Variants in EPM2A observed in about 807,000 individuals in gnomAD.
The protein encoded by EPM2A is EPM2A glucan phosphatase, laforin.
A neutral mutation model predicts 26.5 loss-of-function variants in EPM2A; 21 were observed. That is an observed-to-expected ratio of 0.79 (90% CI 0.56 to 1.14). The LOEUF (loss-of-function observed/expected upper bound fraction) is 1.14. Ranked by LOEUF, EPM2A falls within the 50% of genes most tolerant of loss-of-function variation. EPM2A has a pLI of 0.00. For synonymous variants in EPM2A, 217 were observed against 177.6 expected, an observed-to-expected ratio of 1.22 and a Z score of -1.76; for missense variants, 458 against 440.8, an observed-to-expected ratio of 1.04 and a Z score of -0.35.
chr6:145,397,151 C>T (rs1778416301), intron 4 of EPM2A, among the ~76,000 whole-genome samples: 1 of 152,146 alleles, frequency 6.6e-6, no homozygotes, highest in African/African-American at 2.4e-5. Context: ...TTGTTACTGG[C>T]TCGGTTTGGT....
chr6:145,390,092 C>T (rs931834880), intron 4 of EPM2A, among the ~76,000 whole-genome samples: 12 of 152,100 alleles, frequency 7.9e-5, no homozygotes, highest in Admixed American at 1.3e-4. Context: ...AACTGGCTCA[C>T]GCTATTGTGG....
At chr6:145,410,066 G>GATA (rs1562324253) in intron 4 of EPM2A, among the ~76,000 whole-genome samples, 2 of 152,142 alleles carry the variant, frequency 1.3e-5, no homozygotes, top group Non-Finnish European at 2.9e-5. Context: ...GGGTATAGAT[G>GATA]TCGGGAGCCT....
At chr6:145,727,248 A>C (rs780239291) in intron 1 of EPM2A, among the ~76,000 whole-genome samples, 1 of 152,170 alleles carries the variant, frequency 6.6e-6, no homozygotes, top group African/African-American at 2.4e-5. Flanking sequence ...CAACATGGTC[A>C]CGAATTTAAA....
chr6:145,682,552 A>G (rs1257756238), intron 2 of EPM2A: 2 of 152,150 alleles, frequency 1.3e-5, no homozygotes, highest in Non-Finnish European at 2.9e-5. Context: ...TACAGCAAAT[A>G]TTTAACTGTA....
At chr6:145,422,076 T>TATATAG (rs368615331) in intron 4 of EPM2A, among the ~76,000 whole-genome samples, 87 of 138,658 alleles carry the variant, frequency 6.3e-4, no homozygotes, top group African/African-American at 1.4e-3. Context: ...TATATATATA[T>TATATAG]AGAGAGAGAG....
chr6:145,459,146 T>C (rs1779297595), intron 4 of EPM2A, among the ~76,000 whole-genome samples: 1 of 152,146 alleles, frequency 6.6e-6, no homozygotes, highest in Non-Finnish European at 1.5e-5. Flanking sequence ...CAACTCTGAA[T>C]ACAGTATGGA....
chr6:145,537,744 G>A (rs891982232), intron 2 of EPM2A, among the ~76,000 whole-genome samples: 5 of 151,758 alleles, frequency 3.3e-5, no homozygotes, highest in African/African-American at 7.3e-5. Flanking sequence ...TAATGCTCTC[G>A]CTCCCCTCAC....
At chr6:145,390,240 T>G (rs1196791133) in intron 4 of EPM2A, among the ~76,000 whole-genome samples, 2 of 152,108 alleles carry the variant, frequency 1.3e-5, no homozygotes, top group Non-Finnish European at 2.9e-5. Flanking sequence ...TTCAACTGAC[T>G]GGATGAGGCC....
At chr6:145,592,556 T>A (rs1368265474) in intron 2 of EPM2A, among the ~76,000 whole-genome samples, 1 of 152,128 alleles carries the variant, frequency 6.6e-6, no homozygotes, top group African/African-American at 2.4e-5. Flanking sequence ...AAATGGTATT[T>A]CTAGTTCTAC....
intron 2 of EPM2A, among the ~76,000 whole-genome samples, chr6:145,647,563 C>T (rs919108117): frequency 7.9e-5 from 12 of 152,136 alleles, no homozygotes; most frequent in African/African-American, 1.7e-4. Context: ...AGCATTTCAT[C>T]GTCTGTATTG....
intron 2 of EPM2A, 41 bp from the exon 3 acceptor site, chr6:145,635,527 C>G: frequency 6.2e-7 from 1 of 1,608,274 alleles, no homozygotes; most frequent in Non-Finnish European, 8.5e-7. Context: ...TAGTGTTGTT[C>G]TGATTTGAGG....
intron 4 of EPM2A, among the ~76,000 whole-genome samples, chr6:145,386,773 A>G (rs563461441): frequency 6.6e-6 from 1 of 152,298 alleles, no homozygotes; most frequent in Admixed American, 6.5e-5. Flanking sequence ...AAAATTAGAA[A>G]CCAGGGATAT....
chr6:145,417,361 T>G (rs1357041723), intron 4 of EPM2A, among the ~76,000 whole-genome samples: 1 of 152,210 alleles, frequency 6.6e-6, no homozygotes. Context: ...GCCCGTCTCA[T>G]AGATGCCTTG....
intron 1 of EPM2A, chr6:145,722,735 A>G: frequency 2.2e-6 from 1 of 451,988 alleles, no homozygotes; most frequent in Non-Finnish European, 4.4e-6. Context: ...CAGTGGTAAT[A>G]AAGTTAAAAT....
chr6:145,612,581 C>T (rs1775413851), intron 2 of EPM2A, among the ~76,000 whole-genome samples: 1 of 151,870 alleles, frequency 6.6e-6, no homozygotes, highest in Admixed American at 6.6e-5. Context: ...AGAGATACTG[C>T]AGATTTGGTG....
intron 2 of EPM2A, among the ~76,000 whole-genome samples, chr6:145,577,095 A>T (rs970734621): frequency 6.6e-6 from 1 of 151,862 alleles, no homozygotes; most frequent in Non-Finnish European, 1.5e-5. Flanking sequence ...ACTTACGCAC[A>T]AATAAAGATA....
intron 2 of EPM2A, among the ~76,000 whole-genome samples, chr6:145,581,953 A>C (rs1398404021): frequency 6.6e-6 from 1 of 152,038 alleles, no homozygotes; most frequent in Non-Finnish European, 1.5e-5. Context: ...TTGGGCATAG[A>C]TATGTTCATA....
At chr6:145,580,821 T>C (rs980532685) in intron 2 of EPM2A, among the ~76,000 whole-genome samples, 1 of 152,152 alleles carries the variant, frequency 6.6e-6, no homozygotes, top group Non-Finnish European at 1.5e-5. Flanking sequence ...CCTCCATCTC[T>C]AGTTATGTTG....
chr6:145,468,698 A>G (rs1007705378), intron 4 of EPM2A, among the ~76,000 whole-genome samples: 1 of 152,038 alleles, frequency 6.6e-6, no homozygotes, highest in African/African-American at 2.4e-5. Flanking sequence ...ACATTGGGGA[A>G]CCTCCCCCAG....
Sources: gnomAD v4.1 joint callset for allele counts (sites outside exome capture counted in the v4.1 genomes callset) on GRCh38, gnomAD v4.1.1 for gene constraint, MANE v1.5 for transcripts, NCBI Gene and HGNC (gene_info 2026-07-23, HGNC 2026-07-21) for gene names.